The following NEBL variants were observed in gnomAD, a reference collection of about 807,000 sequenced individuals.
The protein encoded by NEBL is LIM and SH3 protein 2.
In NEBL, 122 loss-of-function variants were observed where a neutral mutation model predicts 140.2. The observed-to-expected ratio is 0.87, with a 90% CI of 0.75 to 1.01. The LOEUF (loss-of-function observed/expected upper bound fraction) is 1.01, where lower values mean the gene tolerates loss of function less well. NEBL is among the 50% of genes least tolerant of loss of function. NEBL has a pLI of 0.00. For synonymous variants in NEBL, 436 were observed against 398.9 expected (o/e 1.09, Z -1.11); for missense variants, 1,365 against 1,231.3 (o/e 1.11, Z -1.62).
intron 3 of NEBL, among the ~76,000 whole-genome samples, chr10:21,198,323 G>A (rs1841684086): frequency 6.6e-6 from 1 of 152,134 alleles, no homozygotes; most frequent in Non-Finnish European, 1.5e-5. Context: ...GATGTATTAG[G>A]AAGAAGAACA....
chr10:20,928,883 A>C (rs1834037994), intron 4 of NEBL, among the ~76,000 whole-genome samples: 1 of 152,184 alleles, frequency 6.6e-6, no homozygotes, highest in South Asian at 2.1e-4. Context: ...ATCTTAGACT[A>C]CTTCCATCTT....
intron 1 of NEBL, among the ~76,000 whole-genome samples, chr10:21,290,616 A>C (rs1005453625): frequency 2.6e-5 from 4 of 152,326 alleles, no homozygotes; most frequent in Admixed American, 6.5e-5. Context: ...TTTTGAGGGT[A>C]ACTCCAAAAG....
At chr10:21,228,820 C>G (rs561808459) in intron 3 of NEBL, among the ~76,000 whole-genome samples, 4 of 152,272 alleles carry the variant, frequency 2.6e-5, no homozygotes, top group African/African-American at 9.6e-5. Context: ...TACAGTCATT[C>G]ATTTTACTCA....
At chr10:21,092,351 A>C (rs1016576613) in intron 2 of NEBL, among the ~76,000 whole-genome samples, 1 of 152,168 alleles carries the variant, frequency 6.6e-6, no homozygotes, top group African/African-American at 2.4e-5. Context: ...CTAAATATAG[A>C]AGGCAGTTAG....
chr10:21,084,006 C>G (rs1836503613), intron 2 of NEBL, among the ~76,000 whole-genome samples: 1 of 152,176 alleles, frequency 6.6e-6, no homozygotes, highest in Non-Finnish European at 1.5e-5. Flanking sequence ...ATACAATTGT[C>G]ATCTTGGGAA....
At chr10:20,995,487 C>T (rs1837631740) in intron 3 of NEBL, among the ~76,000 whole-genome samples, 1 of 152,082 alleles carries the variant, frequency 6.6e-6, no homozygotes, top group African/African-American at 2.4e-5. Flanking sequence ...TAAAGATCCT[C>T]CAGTTCAGTG....
intron 3 of NEBL, among the ~76,000 whole-genome samples, chr10:20,995,130 C>T (rs1837615629): frequency 6.6e-6 from 1 of 152,148 alleles, no homozygotes; most frequent in Admixed American, 6.5e-5. Flanking sequence ...AAAGTCTGAA[C>T]GTCAGGACAG....
chr10:21,274,048 T>G (rs1255068004), intron 1 of NEBL, among the ~76,000 whole-genome samples: 3 of 152,190 alleles, frequency 2.0e-5, no homozygotes, highest in Admixed American at 6.5e-5. Context: ...GCTGAGGGGA[T>G]GTTACTTCCA....
chr10:21,173,933 AGG>A lies in NEBL; in HGVS notation c.-102_-101del. ...CCCGCACCGCCTCCTGGCAGGCGGG[AGG>A]GCTGCGGGCGGCGGGCGCCGGGTAG... On this transcript the variant is annotated 5_prime_UTR_variant, in exon 1 of 7. Coordinates refer to the NEBL transcript ENST00000417816. The surrounding 1 kb of genome is among the most constrained non-coding windows in gnomAD (Gnocchi z 5.7). 2.1e-6 allele frequency: 3 copies of A among 1,417,628 alleles called. No individual in the cohort carries two copies. The South Asian group carries it at 4.6e-5, about 22-fold the overall frequency. The allele number at this position is 1,417,628 out of a possible 1,614,324, so 87.8% of individuals were successfully genotyped here.
intron 4 of NEBL, among the ~76,000 whole-genome samples, chr10:20,914,421 C>T (rs1159215857): frequency 1.3e-5 from 2 of 152,204 alleles, no homozygotes; most frequent in East Asian, 1.9e-4. Context: ...ATGAGATTAC[C>T]CTCTATGTTT....
chr10:21,076,444 C>CAAAAAAAAAAAAAAAAAAAAAAA (rs56013237), intron 2 of NEBL, among the ~76,000 whole-genome samples: 2 of 50,070 alleles, frequency 4.0e-5, no homozygotes, highest in Non-Finnish European at 8.1e-5. Flanking sequence ...GACTCAGTTT[C>CAAAAAAAAAAAAAAAAAAAAAAA]AAAAAAAAAA....
At chr10:21,114,326 T>G (rs1431903605) in intron 2 of NEBL, among the ~76,000 whole-genome samples, 1 of 152,210 alleles carries the variant, frequency 6.6e-6, no homozygotes, top group East Asian at 1.9e-4. Context: ...TGATTAAGAT[T>G]TGTTTTATGG....
chr10:21,026,596 C>T (rs1480415438), intron 2 of NEBL, among the ~76,000 whole-genome samples: 3 of 152,214 alleles, frequency 2.0e-5, no homozygotes, highest in Non-Finnish European at 4.4e-5. Flanking sequence ...TCCACCTTCT[C>T]TGGCTTTCCG....
At chr10:21,206,040 A>G (rs908691414) in intron 3 of NEBL, among the ~76,000 whole-genome samples, 4 of 152,236 alleles carry the variant, frequency 2.6e-5, no homozygotes, top group Non-Finnish European at 5.9e-5. Flanking sequence ...GAATTCACTC[A>G]GTACTAAAAG....
intron 2 of NEBL, among the ~76,000 whole-genome samples, chr10:21,028,235 C>CAAAAAAAAA (rs1168946872): frequency 4.7e-4 from 31 of 66,182 alleles, no homozygotes; most frequent in South Asian, 9.2e-4. Context: ...TCAAACATCT[C>CAAAAAAAAA]AAAAAAAAAA....
intron 2 of NEBL, among the ~76,000 whole-genome samples, chr10:21,156,356 G>C (rs1005159550): frequency 6.6e-6 from 1 of 152,234 alleles, no homozygotes; most frequent in African/African-American, 2.4e-5. Flanking sequence ...GGCATTGAAA[G>C]CTAGGATCTG....
intron 21 of NEBL, among the ~76,000 whole-genome samples, chr10:20,816,749 A>C (rs1838753509): frequency 6.6e-6 from 1 of 152,204 alleles, no homozygotes; most frequent in Non-Finnish European, 1.5e-5. Flanking sequence ...AATTATTTCA[A>C]CAACAGGGAA....
intron 2 of NEBL, among the ~76,000 whole-genome samples, chr10:21,081,099 C>A (rs1836348382): frequency 6.6e-6 from 1 of 152,208 alleles, no homozygotes; most frequent in African/African-American, 2.4e-5. Context: ...AAGTGATCCA[C>A]CCACCTCGAC....
intron 2 of NEBL, among the ~76,000 whole-genome samples, chr10:21,074,598 C>T (rs1165727392): frequency 2.0e-5 from 3 of 151,232 alleles, no homozygotes; most frequent in Non-Finnish European, 4.4e-5. Context: ...CTGCCTCAGC[C>T]TCCCTAGTAG....
Sources: gnomAD v4.1 joint callset for allele counts (sites outside exome capture counted in the v4.1 genomes callset) on GRCh38, gnomAD v4.1.1 for gene constraint, Gnocchi (gnomAD v3.1) non-coding constraint, MANE v1.5 for transcripts, NCBI Gene and HGNC (gene_info 2026-07-23, HGNC 2026-07-21) for gene names.